Variants in RNF135 observed in about 807,000 individuals in gnomAD.
RNF135 encodes the protein ring finger protein 135.
RNF135 carries 46 observed loss-of-function variants against 41.9 expected under a neutral mutation model. The observed-to-expected ratio is 1.10, with a 90% confidence interval of 0.87 to 1.40. RNF135 has a LOEUF of 1.40. Among genes scored for constraint, RNF135 ranks in the 40% most tolerant of loss-of-function variants. The pLI is 0.00. For missense variants in RNF135, 539 were observed against 549.8 expected (o/e 0.98, Z 0.20); for synonymous variants, 238 against 223.8 (o/e 1.06, Z -0.57).
intron 1 of RNF135, among the ~76,000 whole-genome samples, chr17:30,976,772 T>G (rs1164235292): frequency 6.6e-6 from 1 of 152,254 alleles, no homozygotes; most frequent in Non-Finnish European, 1.5e-5. Flanking sequence ...TGCTCTTTTT[T>G]GGTTTCCATT....
intron 2 of RNF135, among the ~76,000 whole-genome samples, 160 bp downstream of exon 2, chr17:30,984,920 T>C (rs1323129637): frequency 1.3e-5 from 2 of 152,228 alleles, no homozygotes; most frequent in East Asian, 1.9e-4. Context: ...ACATTTGGAA[T>C]GCTTGAGGTA....
chr17:30,963,477 CAGG>C, the RNF135 span, among the ~76,000 whole-genome samples: 6 of 151,804 alleles, frequency 4.0e-5, no homozygotes, highest in African/African-American at 1.5e-4. Context: ...GAGGCTGAAG[CAGG>C]AGAATGGCGT....
intron 1 of RNF135, among the ~76,000 whole-genome samples, chr17:30,983,354 T>TATATATATATATATATATA (rs1491179041): frequency 5.1e-4 from 13 of 25,648 alleles, no homozygotes; most frequent in Non-Finnish European, 9.1e-4. Flanking sequence ...TATATATATA[T>TATATATATATATATATATA]TTTTTTTTTT....
upstream of RNF135, among the ~76,000 whole-genome samples, chr17:30,970,044 ATC>A (rs1905763365): frequency 6.6e-6 from 1 of 152,196 alleles, no homozygotes; most frequent in Non-Finnish European, 1.5e-5. Context: ...AACTTGTATT[ATC>A]TGATACCTAC....
At chr17:30,993,734 G>T in intron 3 of RNF135, 1 of 934,086 alleles carries the variant, frequency 1.1e-6, no homozygotes, top group Non-Finnish European at 1.6e-6. Flanking sequence ...ACTTCAGTAG[G>T]TTTTGCAAAT....
intron 1 of RNF135, among the ~76,000 whole-genome samples, chr17:30,979,840 G>T (rs1432359789): frequency 7.4e-6 from 1 of 135,418 alleles, no homozygotes; most frequent in Non-Finnish European, 1.6e-5. Context: ...CGGATGGGGC[G>T]GCTGGCCAGG....
chr17:30,971,846 G>A (rs1159795142), intron 1 of RNF135: 4 of 445,418 alleles, frequency 9.0e-6, no homozygotes, highest in Non-Finnish European at 1.2e-5. Flanking sequence ...GGAGTGCAAT[G>A]GCGTGCGTGA....
At chr17:30,988,435 T>G (rs942702014) in intron 3 of RNF135, among the ~76,000 whole-genome samples, 11 of 134,464 alleles carry the variant, frequency 8.2e-5, no homozygotes, top group African/African-American at 3.1e-4. Context: ...TTTTTTTTTT[T>G]TTTTTTTTTT....
At chr17:30,959,576 C>G in the RNF135 span, 1 of 152,090 alleles carries the variant, frequency 6.6e-6, no homozygotes, top group Non-Finnish European at 1.5e-5. Flanking sequence ...CAGGTGTGCA[C>G]GTGCCTGTAG....
At chr17:30,977,264 A>G in intron 1 of RNF135, among the ~76,000 whole-genome samples, 1 of 152,128 alleles carries the variant, frequency 6.6e-6, no homozygotes, top group Non-Finnish European at 1.5e-5. Flanking sequence ...CCTGCTATTT[A>G]ATTTTTTGTT....
intron 1 of RNF135, 24 bp downstream of exon 1, chr17:30,971,469 C>T: frequency 6.8e-7 from 1 of 1,475,624 alleles, no homozygotes; most frequent in Admixed American, 2.5e-5. Flanking sequence ...GCCCGCAGCT[C>T]CCCTGGCTCC....
At chr17:30,997,442 A>G in intron 4 of RNF135, 111 bp downstream of exon 4, 1 of 950,224 alleles carries the variant, frequency 1.1e-6, no homozygotes, top group Non-Finnish European at 1.7e-6. Flanking sequence ...CTTACTGCAC[A>G]TGGATTTGTT....
At chr17:30,980,326 G>A (rs1197776967) in intron 1 of RNF135, 12 of 132,130 alleles carry the variant, frequency 9.1e-5, no homozygotes, top group Admixed American at 2.2e-4. Context: ...GCGGCCGGCC[G>A]GGCGGGGGGC....
At chr17:30,989,154 G>A (rs1016505673) in intron 3 of RNF135, among the ~76,000 whole-genome samples, 16 of 151,384 alleles carry the variant, frequency 1.1e-4, no homozygotes, top group Non-Finnish European at 1.9e-4. Context: ...AGGATCTCTT[G>A]AGGCCAGGAG....
intron 3 of RNF135, among the ~76,000 whole-genome samples, chr17:30,988,849 T>C (rs1907786790): frequency 6.7e-6 from 1 of 149,944 alleles, no homozygotes; most frequent in Non-Finnish European, 1.5e-5. Flanking sequence ...TGGTGCGATC[T>C]TGGCCAGAAT....
chr17:30,970,824 CGCGGCATGTTGGTTTCCCAGGGCAAGAG>C, upstream of RNF135: 1 of 565,574 alleles, frequency 1.8e-6, no homozygotes, highest in South Asian at 2.2e-5. Context: ...TCTAGCAGCT[CGCGGCATGTTGGTTTCCCAGGGCAAGAG>C]GCCGCCACTG....
Position 30,998,756 on chromosome 17 carries a change from A to G in RNF135, c.864A>G (p.Gln288=), listed in dbSNP as rs1341575054. 1 of 1,612,578 alleles carries G rather than the reference A, an allele frequency of 6.2e-7. No homozygotes were observed. Among genetic ancestry groups the G allele is most frequent in the South Asian group, 1.1e-5 (1 of 90,714 alleles). Residue 288 remains glutamine, a synonymous_variant, in exon 5 of 5, where the codon CAA becomes CAG. Transcript: ENST00000328381. ...CAGTGACTGTGTCTCACCGCCCACA[A>G]CCCTATCGCTGGAGCTGTGAGAGGT... ...SRTVTVSHRP[Q]PYRWSCERFS...
At chr17:30,979,723 A>T (rs1291100586) in intron 1 of RNF135, among the ~76,000 whole-genome samples, 1 of 30,494 alleles carries the variant, frequency 3.3e-5, no homozygotes, top group Non-Finnish European at 6.7e-5. Context: ...GACCCCCCCC[A>T]CCTCCCTCCC....
At chr17:30,995,159 G>A (rs113170126) in intron 3 of RNF135, among the ~76,000 whole-genome samples, 29 of 152,074 alleles carry the variant, frequency 1.9e-4, no homozygotes, top group East Asian at 1.6e-3. Flanking sequence ...AGGCCGAGGC[G>A]GGTGGATCAC....
Sources: allele counts gnomAD v4.1 joint callset (sites outside exome capture counted in the v4.1 genomes callset), GRCh38; gene constraint gnomAD v4.1.1; transcripts MANE v1.5; gene names NCBI Gene and HGNC (gene_info 2026-07-23, HGNC 2026-07-21).